The following MND1 variants were observed in gnomAD, a reference collection of about 807,000 sequenced individuals.
MND1 encodes meiotic nuclear divisions 1, also known as meiotic nuclear division protein 1 homolog.
A neutral mutation model predicts 35.1 loss-of-function variants in MND1; 28 were observed. The ratio of observed to expected loss-of-function variants is 0.80; its 90% CI spans 0.59 to 1.09. The LOEUF (loss-of-function observed/expected upper bound fraction) is 1.09. MND1 is among the 50% of genes least tolerant of loss of function. The probability of loss-of-function intolerance (pLI) is 0.00; values close to 1 mark genes in which losing one functional copy is unlikely to be tolerated. For synonymous variants in MND1, 69 were observed against 70.5 expected (o/e 0.98, Z 0.11); for missense variants, 213 against 239.6 (o/e 0.89, Z 0.73).
chr4:153,397,418 A>C, intron 6 of MND1, 85 bp downstream of exon 6: 4 of 899,310 alleles, frequency 4.4e-6, no homozygotes, highest in Non-Finnish European at 6.8e-6. Flanking sequence ...ACTATTCTCC[A>C]TGTATATGAG....
intron 1 of MND1, 40 bp downstream of exon 1, chr4:153,344,780 T>C (rs374100736): frequency 8.8e-5 from 141 of 1,596,042 alleles, no homozygotes; most frequent in Non-Finnish European, 1.2e-4. Flanking sequence ...TCTTCCTCCC[T>C]AGTGTGTGGG....
In MND1 at chr4:153,345,169, C is replaced by CG. The variant is rs567494662; in HGVS notation, c.3+429_3+430insG. 4.8e-4 allele frequency among the ~76,000 whole-genome samples: 73 copies of CG among 152,352 alleles called. No individual in the cohort carries two copies. The South Asian group carries it at 0.014, about 30-fold the overall frequency. On this transcript the variant is annotated intron_variant, in intron 1 of 7. Transcript: ENST00000240488. The stretch of plus-strand genomic sequence containing the variant: ...TCGGCCCCGCGTGGTGTAGCCCCCC[C>CG]CATTAAGAACGGGGAGAGAAAGCGC...
chr4:153,356,202 T>C (rs927182317), intron 3 of MND1, among the ~76,000 whole-genome samples: 1 of 152,158 alleles, frequency 6.6e-6, no homozygotes, highest in African/African-American at 2.4e-5. Context: ...GGCATCCTTC[T>C]ACATATCTAT....
At chr4:153,391,168 A>AT (rs963877607) in intron 4 of MND1, among the ~76,000 whole-genome samples, 5 of 151,558 alleles carry the variant, frequency 3.3e-5, no homozygotes, top group South Asian at 2.1e-4. Context: ...CTTTTTTTAA[A>AT]TTTTTTTTAT....
chr4:153,353,218 C>A (rs567209021), intron 2 of MND1, among the ~76,000 whole-genome samples: 6 of 151,706 alleles, frequency 4.0e-5, no homozygotes, highest in African/African-American at 1.2e-4. Flanking sequence ...ATCTCATACT[C>A]GCACTAAGTT....
At chr4:153,386,561 C>T (rs943811439) in intron 4 of MND1, among the ~76,000 whole-genome samples, 2 of 151,912 alleles carry the variant, frequency 1.3e-5, no homozygotes, top group Non-Finnish European at 2.9e-5. Flanking sequence ...ACTAAAAATA[C>T]AAAAATTAGT....
chr4:153,350,073 AAAG>A lies in MND1; in HGVS notation c.14_16del (p.Lys5_Gly6delinsArg), dbSNP rs1367741553. 2 of 1,596,800 alleles carry A rather than the reference AAAG, an allele frequency of 1.3e-6. No individual in the cohort carries two copies. The highest frequency in any genetic ancestry group is 1.7e-6 in the Non-Finnish European group (2 of 1,173,186). On this transcript the variant is annotated inframe_deletion, in exon 2 of 8. Transcript: ENST00000240488. ...AATTTTTTTGCTTTAGTCAAAGAAAAAAGGACTGAGTGCAGAAGAAAAGAGAAC... is the reference window on the plus strand; with the variant it reads ...AATTTTTTTGCTTTAGTCAAAGAAAAGACTGAGTGCAGAAGAAAAGAGAAC...
At chr4:153,407,013 C>T (rs1331683796) in intron 6 of MND1, among the ~76,000 whole-genome samples, 1 of 152,208 alleles carries the variant, frequency 6.6e-6, no homozygotes, top group Non-Finnish European at 1.5e-5. Context: ...ATCATGGGAA[C>T]AGGGCAGGAA....
At chr4:153,358,714 T>G in intron 4 of MND1, 92 bp downstream of exon 4, 1 of 1,239,606 alleles carries the variant, frequency 8.1e-7, no homozygotes, top group Non-Finnish European at 1.1e-6. Context: ...TCTTTTGAAT[T>G]TTTGATATGC....
chr4:153,409,180 GT>G (rs925242990), intron 7 of MND1, 165 bp downstream of exon 7: 48 of 244,452 alleles, frequency 2.0e-4, no homozygotes, highest in African/African-American at 1.0e-3. Flanking sequence ...GTTATTTAAG[GT>G]TTTTTTTATA....
At chr4:153,396,089 G>C (rs1295106252) in intron 5 of MND1, among the ~76,000 whole-genome samples, 1 of 152,068 alleles carries the variant, frequency 6.6e-6, no homozygotes, top group East Asian at 1.9e-4. Flanking sequence ...TCTTCTTATA[G>C]TTATTTTAAA....
intron 6 of MND1, among the ~76,000 whole-genome samples, chr4:153,404,528 G>A (rs1352668661): frequency 1.3e-5 from 2 of 150,282 alleles, no homozygotes; most frequent in Non-Finnish European, 3.0e-5. Context: ...TTGTGGGAGT[G>A]CAGTGGTGCG....
intron 4 of MND1, chr4:153,361,763 G>A (rs534230571): frequency 1.5e-4 from 48 of 324,284 alleles, no homozygotes; most frequent in Non-Finnish European, 2.6e-4. Context: ...GCATGAACCC[G>A]GGAGGTGGAG....
intron 4 of MND1, among the ~76,000 whole-genome samples, chr4:153,366,524 A>G (rs917598290): frequency 3.3e-5 from 5 of 152,250 alleles, no homozygotes; most frequent in Admixed American, 3.3e-4. Context: ...AATTAAATAT[A>G]TGAATCTGTA....
At chr4:153,393,803 G>T (rs1031077771) in intron 4 of MND1, among the ~76,000 whole-genome samples, 2 of 150,186 alleles carry the variant, frequency 1.3e-5, no homozygotes, top group Admixed American at 1.3e-4. Flanking sequence ...TATCTGCATG[G>T]AATAAAAAGA....
chr4:153,358,259 C>A (rs1773394637), intron 3 of MND1, among the ~76,000 whole-genome samples: 1 of 152,104 alleles, frequency 6.6e-6, no homozygotes, highest in Non-Finnish European at 1.5e-5. Context: ...CCCTAGGCTC[C>A]TGTATAAGTC....
intron 2 of MND1, among the ~76,000 whole-genome samples, chr4:153,350,949 A>G (rs10030252): frequency 0.089 from 10,430 of 117,600 alleles, 545 homozygotes; most frequent in African/African-American, 0.22. Context: ...GCAGATTCTT[A>G]GTAAAAAAAA....
chr4:153,359,179 G>T (rs1240978154), intron 4 of MND1, among the ~76,000 whole-genome samples: 2 of 152,040 alleles, frequency 1.3e-5, no homozygotes, highest in Admixed American at 6.6e-5. Flanking sequence ...CTAAAAATCC[G>T]CTGTTTCCTA....
At chr4:153,364,518 GAA>G (rs70963167) in intron 4 of MND1, among the ~76,000 whole-genome samples, 1 of 141,354 alleles carries the variant, frequency 7.1e-6, no homozygotes. Context: ...CCCTGTTTAA[GAA>G]AAAAAAAAAA....
Sources: gnomAD v4.1 joint callset for allele counts (sites outside exome capture counted in the v4.1 genomes callset) on GRCh38, gnomAD v4.1.1 for gene constraint, MANE v1.5 for transcripts, NCBI Gene and HGNC (gene_info 2026-07-23, HGNC 2026-07-21) for gene names.